Variants in TRPM5 observed in about 807,000 individuals in gnomAD.
The protein encoded by TRPM5 is MLSN1 and TRP-related.
In TRPM5, 121 loss-of-function variants were observed where a neutral mutation model predicts 124.9. That is an observed-to-expected ratio of 0.97 (90% CI 0.84 to 1.13). The LOEUF is 1.13. Ranked by LOEUF, TRPM5 falls within the 50% of genes most tolerant of loss-of-function variation. The pLI is 0.00. For missense variants in TRPM5, 1,643 were observed against 1,589.1 expected (o/e 1.03, Z -0.58); for synonymous variants, 781 against 700.5 (o/e 1.11, Z -1.81).
chr11:2,414,009 G>GGGGGCGCCCCCCC, intron 12 of TRPM5, 52 bp downstream of exon 17: 2 of 1,023,730 alleles, frequency 2.0e-6, no homozygotes, highest in Non-Finnish European at 2.9e-6. Flanking sequence ...GGCCCAGCTC[G>GGGGGCGCCCCCCC]CCCGCCCACC....
chr11:2,418,536 G>T (rs753254437), exon 5 of TRPM5: 4 of 1,611,286 alleles, frequency 2.5e-6, no homozygotes, highest in Non-Finnish European at 3.4e-6. Flanking sequence ...CCTCCAAGGT[G>T]TTGGGATCAC....
At chr11:2,420,732 C>G (rs1845759863) in intron 3 of TRPM5, among the ~76,000 whole-genome samples, 1 of 152,236 alleles carries the variant, frequency 6.6e-6, no homozygotes, top group Non-Finnish European at 1.5e-5. Flanking sequence ...CCCGGGCCTC[C>G]CTCGGTAGTG....
the TRPM5 span, among the ~76,000 whole-genome samples, chr11:2,428,468 CAGT>C: frequency 6.7e-6 from 1 of 148,530 alleles, no homozygotes; most frequent in Non-Finnish European, 1.5e-5. The surrounding 1 kb of genome is among the most constrained non-coding windows in gnomAD (Gnocchi z 4.0). Flanking sequence ...ATGATGGTGG[CAGT>C]AGTGGTGGTG....
chr11:2,405,557 C>T, exon 23 of TRPM5: 1 of 1,566,136 alleles, frequency 6.4e-7, no homozygotes, highest in Non-Finnish European at 8.7e-7. Flanking sequence ...GCCAGCACGT[C>T]AGCCACGGAG....
chr11:2,414,822 G>A, exon 11 of TRPM5: 2 of 1,590,834 alleles, frequency 1.3e-6, no homozygotes, highest in Non-Finnish European at 1.7e-6. Flanking sequence ...CAGTGCGGCT[G>A]CCACACCTTC....
exon 24 of TRPM5, chr11:2,404,963 C>A: frequency 6.2e-7 from 1 of 1,612,524 alleles, no homozygotes; most frequent in Non-Finnish European, 8.5e-7. Flanking sequence ...GGCTGGCCAG[C>A]CCCGGGTTGT....
Position 2,412,474 on chromosome 11 carries a change from G to A in TRPM5, c.2356-221C>T, listed in dbSNP as rs116039884. Among the ~76,000 whole-genome samples, 583 of 152,350 alleles carry A rather than the reference G, an allele frequency of 3.8e-3. 5 individuals carry two copies. Among genetic ancestry groups the A allele is most frequent in the African/African-American group, 0.013 (537 of 41,582 alleles). ...GGGCCAGGGCCTCTTTGTGCCCAGG[G>A]TCTAGGGATCAGTTTATGCAGTGTC... On this transcript the variant is annotated intron_variant, in intron 15 of 23. Coordinates refer to ENST00000155858, the Ensembl canonical transcript of TRPM5.
At chr11:2,404,847 G>C (rs1487202826) in exon 24 of TRPM5, 9 of 1,100,144 alleles carry the variant, frequency 8.2e-6, no homozygotes, top group Admixed American at 1.9e-5. Flanking sequence ...CCCCCTGGGG[G>C]GTTCCGCTGG....
intron 7 of TRPM5, 21 bp downstream of exon 12, chr11:2,417,706 G>GCCCCCCCCTCCCCCC: frequency 1.8e-6 from 2 of 1,087,298 alleles, no homozygotes; most frequent in South Asian, 1.3e-5. Context: ...CGCCTGCCTT[G>GCCCCCCCCTCCCCCC]CCCACCCTGC....
the TRPM5 span, among the ~76,000 whole-genome samples, chr11:2,429,474 G>A: frequency 6.6e-6 from 1 of 151,810 alleles, no homozygotes; most frequent in African/African-American, 2.4e-5. The surrounding 1 kb of genome is among the most constrained non-coding windows in gnomAD (Gnocchi z 8.4). Flanking sequence ...TGGAGACGAT[G>A]ATGGTGATGA....
chr11:2,416,844 T>C (rs1352680836), intron 7 of TRPM5, among the ~76,000 whole-genome samples: 2 of 152,174 alleles, frequency 1.3e-5, no homozygotes, highest in Admixed American at 6.5e-5. Context: ...AAATTTTCCA[T>C]CAGCGGGTGA....
chr11:2,427,617 C>G (rs1845849576), upstream of TRPM5, among the ~76,000 whole-genome samples: 1 of 152,250 alleles, frequency 6.6e-6, no homozygotes, highest in South Asian at 2.1e-4. Context: ...GGCACCAAGG[C>G]CCTGGGGGCA....
chr11:2,420,932 TCGA>T (rs1845763857), intron 3 of TRPM5, 97 bp downstream of exon 8: 18 of 1,316,460 alleles, frequency 1.4e-5, no homozygotes, highest in Non-Finnish European at 1.7e-5. Flanking sequence ...TTCCTCCAGC[TCGA>T]GTCCTGTCCT....
At position 2,417,717 on chromosome 11, in the gene TRPM5, C is replaced by T. The variant is rs1845706102; in HGVS notation, c.1009+10G>A. ...ATGGCGCCTGCCTTGCCCACCCTGC[C>T]CGCCCTCACCTTTCACCAGCGCCTT... On this transcript the variant is annotated intron_variant, in intron 7 of 23. Transcript: ENST00000155858. 2.0e-6 allele frequency: 3 copies of T among 1,513,608 alleles called. No individual in the cohort carries two copies. Among genetic ancestry groups the T allele is most frequent in the Non-Finnish European group, 2.7e-6 (3 of 1,104,534 alleles). 93.8% of individuals were successfully genotyped at this position (1,513,608 alleles called of 1,614,324 possible).
At position 2,407,484 on chromosome 11, in the gene TRPM5, T is replaced by A. The variant is rs545705743; in HGVS notation, c.2937-184A>T. On this transcript the variant is annotated intron_variant, in intron 19 of 23. Transcript: ENST00000155858. Reference sequence around the variant, plus strand: ...TCCTTGGGTCTTCCCCTGTCCACTCTGCTCTCCTGGACAAGCCCAGAGTTC... The same window carrying A: ...TCCTTGGGTCTTCCCCTGTCCACTCAGCTCTCCTGGACAAGCCCAGAGTTC... 8.5e-4 allele frequency among the ~76,000 whole-genome samples: 130 copies of A among 152,314 alleles called. 2 individuals carry two copies. The highest frequency in any genetic ancestry group is 3.1e-3 in the African/African-American group (129 of 41,574).
At chr11:2,405,028 C>T in exon 24 of TRPM5, 1 of 1,612,632 alleles carries the variant, frequency 6.2e-7, no homozygotes, top group Non-Finnish European at 8.5e-7. Flanking sequence ...GCTTCCCTCG[C>T]CACAGTGCTG....
chr11:2,411,292 G>A, intron 18 of TRPM5, 60 bp downstream of exon 23: 1 of 1,477,634 alleles, frequency 6.8e-7, no homozygotes, highest in Non-Finnish European at 9.0e-7. Flanking sequence ...CATGCCCAGG[G>A]CTTGTGCACA....
At chr11:2,441,203 T>C in the TRPM5 span, among the ~76,000 whole-genome samples, 1 of 152,170 alleles carries the variant, frequency 6.6e-6, no homozygotes, top group Non-Finnish European at 1.5e-5. This position sits in a 1 kb window ranked among gnomAD's most constrained non-coding sequence, Gnocchi z 7.2. Context: ...CCCACCGGAA[T>C]GATAGAGGAG....
At chr11:2,439,304 C>T in the TRPM5 span, among the ~76,000 whole-genome samples, 1 of 152,134 alleles carries the variant, frequency 6.6e-6, no homozygotes, top group South Asian at 2.1e-4. Context: ...AAGCCATTGC[C>T]ACAAAAATAT....
Sources: gnomAD v4.1 joint callset for allele counts (sites outside exome capture counted in the v4.1 genomes callset) on GRCh38, gnomAD v4.1.1 for gene constraint, Gnocchi (gnomAD v3.1) non-coding constraint, MANE v1.5 for transcripts, NCBI Gene and HGNC (gene_info 2026-07-23, HGNC 2026-07-21) for gene names.